Variants in IMMP2L observed in about 807,000 individuals in gnomAD.
IMMP2L encodes the protein inner mitochondrial membrane peptidase subunit 2, also known as mitochondrial inner membrane protease subunit 2.
In IMMP2L, 18 loss-of-function variants were observed where a neutral mutation model predicts 19.3. The ratio of observed to expected loss-of-function variants is 0.93; its 90% CI spans 0.64 to 1.38. The LOEUF is 1.38. Ranked by LOEUF, IMMP2L falls within the 40% of genes most tolerant of loss-of-function variation. The pLI is 0.00. For synonymous variants in IMMP2L, 76 were observed against 73.0 expected, an observed-to-expected ratio of 1.04 and a Z score of -0.21; for missense variants, 233 against 218.2, an observed-to-expected ratio of 1.07 and a Z score of -0.43.
intron 3 of IMMP2L, among the ~76,000 whole-genome samples, chr7:111,431,412 C>G (rs766034359): frequency 6.6e-6 from 1 of 151,820 alleles, no homozygotes; most frequent in Non-Finnish European, 1.5e-5. Flanking sequence ...AAGTATTTTA[C>G]ACATTCCTTT....
chr7:111,525,030 T>A (rs1846708726), intron 1 of IMMP2L, among the ~76,000 whole-genome samples: 1 of 152,176 alleles, frequency 6.6e-6, no homozygotes, highest in African/African-American at 2.4e-5. Context: ...TCCCAGTCCC[T>A]GATCTTATCA....
chr7:110,691,351 C>A (rs983956217), intron 5 of IMMP2L, among the ~76,000 whole-genome samples: 1 of 151,954 alleles, frequency 6.6e-6, no homozygotes, highest in African/African-American at 2.4e-5. Flanking sequence ...CTAAGACCTA[C>A]AACAATAAAA....
At chr7:110,722,752 T>A (rs1021556000) in intron 5 of IMMP2L, among the ~76,000 whole-genome samples, 3 of 152,138 alleles carry the variant, frequency 2.0e-5, no homozygotes, top group African/African-American at 7.2e-5. Flanking sequence ...TAGAGGCCCT[T>A]CTTGTAATAA....
At chr7:111,366,103 C>T (rs1829735295) in intron 3 of IMMP2L, among the ~76,000 whole-genome samples, 1 of 151,992 alleles carries the variant, frequency 6.6e-6, no homozygotes, top group South Asian at 2.1e-4. Flanking sequence ...AATTTACATG[C>T]ACGGTCTCTG....
At chr7:111,418,244 T>C (rs926717825) in intron 3 of IMMP2L, among the ~76,000 whole-genome samples, 1 of 151,964 alleles carries the variant, frequency 6.6e-6, no homozygotes, top group Non-Finnish European at 1.5e-5. Flanking sequence ...TGTAATTTTG[T>C]ATTTTTTTTA....
At chr7:111,146,860 A>G (rs1018186667) in intron 3 of IMMP2L, among the ~76,000 whole-genome samples, 1 of 152,132 alleles carries the variant, frequency 6.6e-6, no homozygotes, top group African/African-American at 2.4e-5. Flanking sequence ...TGAGTTCGAC[A>G]GATGCTGCTA....
intron 5 of IMMP2L, among the ~76,000 whole-genome samples, chr7:110,693,920 C>T (rs1348945077): frequency 3.3e-5 from 5 of 152,064 alleles, no homozygotes; most frequent in African/African-American, 1.2e-4. Context: ...CTATAGAGAC[C>T]CTCGCAAGTG....
rs140188664 is a variant in IMMP2L, at chr7:111,146,856, C to T, written c.240-183291G>A. On this transcript the variant is annotated intron_variant, in intron 3 of 5. Transcript: ENST00000405709. ...TGGGTGCCAGAGGTAACACTGAGTT[C>T]GACAGATGCTGCTACTACTAAATGT... Among the ~76,000 whole-genome samples the T allele has an allele frequency of 8.4e-4, 128 of 152,158 alleles. No individual in the cohort carries two copies. In the East Asian group the frequency reaches 0.013, roughly 16 times the overall value.
intron 3 of IMMP2L, among the ~76,000 whole-genome samples, chr7:111,319,030 C>G (rs1824396713): frequency 6.6e-6 from 1 of 152,044 alleles, no homozygotes; most frequent in African/African-American, 2.4e-5. Context: ...GAAAACATCC[C>G]TGTCCTACCA....
intron 5 of IMMP2L, among the ~76,000 whole-genome samples, chr7:110,783,981 A>G (rs930983284): frequency 8.6e-5 from 13 of 151,886 alleles, no homozygotes; most frequent in African/African-American, 2.7e-4. Flanking sequence ...TTAAAAATCA[A>G]GTACTATTAA....
At chr7:110,772,674 A>G (rs1284714169) in intron 5 of IMMP2L, among the ~76,000 whole-genome samples, 1 of 152,118 alleles carries the variant, frequency 6.6e-6, no homozygotes, top group Non-Finnish European at 1.5e-5. Flanking sequence ...AAGGCTTAAC[A>G]AGGTCCACTT....
At chr7:111,536,493 G>C (rs546477075) in intron 1 of IMMP2L, among the ~76,000 whole-genome samples, 1 of 152,102 alleles carries the variant, frequency 6.6e-6, no homozygotes, top group East Asian at 1.9e-4. Context: ...TTTTTGTAGA[G>C]ATGGAGTTTC....
At chr7:110,856,773 T>C (rs1806825038) in intron 5 of IMMP2L, among the ~76,000 whole-genome samples, 1 of 152,096 alleles carries the variant, frequency 6.6e-6, no homozygotes, top group Non-Finnish European at 1.5e-5. Context: ...ATCAGTGGCC[T>C]TTAATTAATA....
chr7:111,501,910 T>A (rs931245250), intron 2 of IMMP2L, among the ~76,000 whole-genome samples: 1 of 152,062 alleles, frequency 6.6e-6, no homozygotes, highest in Non-Finnish European at 1.5e-5. Context: ...AGAAACTGCA[T>A]CAACTAATGA....
At position 111,521,306 on chromosome 7, in the gene IMMP2L, T is replaced by C. The variant is rs1846302501; in HGVS notation, c.135+7A>G. 6.2e-7 allele frequency: 1 copy of C among 1,609,604 alleles called. No individual in the cohort carries two copies. Among genetic ancestry groups the C allele is most frequent in the African/African-American group, 1.3e-5 (1 of 74,626 alleles). Reference sequence around the variant, plus strand: ...TGCTTTAAAGAACGAAGTTATATCATTTTCACCTGCATCGATGCTCCTTCT... The same window carrying C: ...TGCTTTAAAGAACGAAGTTATATCACTTTCACCTGCATCGATGCTCCTTCT... On this transcript the variant is annotated splice_region_variant and intron_variant, in intron 2 of 5. Coordinates refer to ENST00000405709, the MANE Select transcript of IMMP2L (RefSeq NM_032549.4).
intron 3 of IMMP2L, among the ~76,000 whole-genome samples, chr7:111,268,980 A>G (rs1043245752): frequency 1.3e-5 from 2 of 152,008 alleles, no homozygotes; most frequent in Non-Finnish European, 2.9e-5. Context: ...TCCATTTTTT[A>G]TTACTTCTAA....
intron 3 of IMMP2L, among the ~76,000 whole-genome samples, chr7:111,006,292 T>C (rs143861929): frequency 5.9e-5 from 9 of 152,212 alleles, no homozygotes; most frequent in Non-Finnish European, 1.2e-4. Flanking sequence ...TGTAAGGTGA[T>C]TGATGTGCAC....
At chr7:110,862,783 C>G (rs1807582259) in intron 5 of IMMP2L, among the ~76,000 whole-genome samples, 1 of 152,006 alleles carries the variant, frequency 6.6e-6, no homozygotes, top group African/African-American at 2.4e-5. Flanking sequence ...TTTAGACTTT[C>G]AAGGACATTT....
At chr7:111,451,779 CA>C in intron 3 of IMMP2L, among the ~76,000 whole-genome samples, 1 of 149,936 alleles carries the variant, frequency 6.7e-6, no homozygotes, top group East Asian at 2.0e-4. Flanking sequence ...GAAGGCAAGG[CA>C]AAATGATTTA....
Sources: gnomAD v4.1 joint callset for allele counts (sites outside exome capture counted in the v4.1 genomes callset) on GRCh38, gnomAD v4.1.1 for gene constraint, MANE v1.5 for transcripts, NCBI Gene and HGNC (gene_info 2026-07-23, HGNC 2026-07-21) for gene names.